Variants in PLEKHG1 observed in about 807,000 individuals in gnomAD.
The protein encoded by PLEKHG1 is pleckstrin homology domain-containing family G member 1.
In PLEKHG1, 44 loss-of-function variants were observed where a neutral mutation model predicts 100.8. That is an observed-to-expected ratio of 0.44 (90% CI 0.34 to 0.56). The LOEUF is 0.56. Ranked by LOEUF, PLEKHG1 falls within the 20% of genes least tolerant of loss-of-function variation. The pLI, the probability that PLEKHG1 is intolerant of heterozygous loss-of-function variation, is 0.01. For missense variants in PLEKHG1, 1,545 were observed against 1,720.9 expected (o/e 0.90, Z 1.81); for synonymous variants, 640 against 662.5 (o/e 0.97, Z 0.52).
intron 2 of PLEKHG1, among the ~76,000 whole-genome samples, chr6:150,754,660 A>T (rs1052746949): frequency 5.5e-4 from 81 of 148,160 alleles, no homozygotes; most frequent in African/African-American, 1.9e-3. Context: ...TGGCATTAGG[A>T]CTTTCTTTCT....
exon 16 of PLEKHG1, chr6:150,843,418 A>T (rs1202289595): frequency 6.6e-6 from 1 of 152,130 alleles, no homozygotes; most frequent in African/African-American, 2.4e-5. Context: ...TGTTTAAAAC[A>T]GTTTGTTTTA....
intron 2 of PLEKHG1, among the ~76,000 whole-genome samples, chr6:150,763,549 T>C (rs1179671098): frequency 6.6e-6 from 1 of 152,166 alleles, no homozygotes; most frequent in Non-Finnish European, 1.5e-5. Flanking sequence ...CCTTTCAACC[T>C]TTCATCTTGG....
At chr6:150,839,681 A>T (rs1272434378) in intron 15 of PLEKHG1, 152 bp from the exon 17 acceptor site, 4 of 592,174 alleles carry the variant, frequency 6.8e-6, no homozygotes, top group Non-Finnish European at 9.0e-6. Context: ...TGTTGCTCAG[A>T]GTTCAAAGAT....
intron 15 of PLEKHG1, among the ~76,000 whole-genome samples, chr6:150,835,559 G>C (rs1299503179): frequency 6.6e-6 from 1 of 152,194 alleles, no homozygotes; most frequent in Non-Finnish European, 1.5e-5. Flanking sequence ...CGATTGTCAT[G>C]TAGTCATAAT....
At chr6:150,654,254 C>T (rs1778872537) in intron 3 of PLEKHG1, among the ~76,000 whole-genome samples, 1 of 152,166 alleles carries the variant, frequency 6.6e-6, no homozygotes, top group African/African-American at 2.4e-5. Context: ...TTTCCTGAGC[C>T]CCTTGCACTG....
At chr6:150,612,502 T>C (rs550837094) in intron 1 of PLEKHG1, among the ~76,000 whole-genome samples, 4 of 152,230 alleles carry the variant, frequency 2.6e-5, no homozygotes, top group African/African-American at 9.6e-5. Context: ...TTGGCTAATT[T>C]TTGTGTTTTT....
chr6:150,602,628 G>T (rs1274330626), intron 1 of PLEKHG1, among the ~76,000 whole-genome samples: 1 of 152,098 alleles, frequency 6.6e-6, no homozygotes, highest in East Asian at 1.9e-4. Context: ...TAAATGAAAT[G>T]ATTCGTATCA....
intron 2 of PLEKHG1, among the ~76,000 whole-genome samples, chr6:150,762,403 T>C (rs1784209367): frequency 1.3e-5 from 2 of 151,922 alleles, no homozygotes; most frequent in South Asian, 4.2e-4. Flanking sequence ...TTCGCCATGT[T>C]GGCCAGGCTG....
intron 3 of PLEKHG1, among the ~76,000 whole-genome samples, chr6:150,656,138 T>C (rs553266281): frequency 5.3e-5 from 8 of 152,116 alleles, no homozygotes; most frequent in South Asian, 2.1e-4. Context: ...AAAACTCTTC[T>C]AGAAATTTGA....
At chr6:150,773,496 T>C (rs1353369147) in intron 3 of PLEKHG1, among the ~76,000 whole-genome samples, 1 of 152,252 alleles carries the variant, frequency 6.6e-6, no homozygotes, top group African/African-American at 2.4e-5. Flanking sequence ...ATGTTGCCAC[T>C]GCACTTCAGC....
intron 3 of PLEKHG1, among the ~76,000 whole-genome samples, chr6:150,770,699 TTAG>T (rs1209902884): frequency 6.6e-6 from 1 of 152,210 alleles, no homozygotes; most frequent in African/African-American, 2.4e-5. Flanking sequence ...TACATGTTCA[TTAG>T]TAATGTGCTG....
intron 3 of PLEKHG1, among the ~76,000 whole-genome samples, chr6:150,702,079 G>A (rs576623778): frequency 1.3e-5 from 2 of 152,300 alleles, no homozygotes; most frequent in South Asian, 2.1e-4. Context: ...CTAGTTGAGC[G>A]ATTATACTTT....
At position 150,627,047 on chromosome 6, in the gene PLEKHG1, T is replaced by C. The variant is rs541298349; in HGVS notation, c.-203-11033T>C. ...GGACTCTGGGGTGTGGCGTGATCTCTTGTAATAGATCAAGGGAAGAAGAAT... is the reference window on the plus strand; with the variant it reads ...GGACTCTGGGGTGTGGCGTGATCTCCTGTAATAGATCAAGGGAAGAAGAAT... On this transcript the variant is annotated intron_variant, in intron 1 of 3. Coordinates refer to the PLEKHG1 transcript ENST00000367326. 5.3e-4 allele frequency among the ~76,000 whole-genome samples: 81 copies of C among 152,266 alleles called. 1 individual carries two copies. Among genetic ancestry groups the C allele is most frequent in the African/African-American group, 1.9e-3 (77 of 41,540 alleles).
chr6:150,765,947 T>C (rs1184983567), intron 2 of PLEKHG1, among the ~76,000 whole-genome samples: 2 of 152,194 alleles, frequency 1.3e-5, no homozygotes, highest in Non-Finnish European at 1.5e-5. Context: ...TCCCATACTT[T>C]GAATAGGACC....
chr6:150,726,963 G>A (rs1233281572), intron 1 of PLEKHG1, among the ~76,000 whole-genome samples: 4 of 152,192 alleles, frequency 2.6e-5, no homozygotes, highest in African/African-American at 7.2e-5. Context: ...TGTTTACAAC[G>A]TTGAGGCTCT....
intron 15 of PLEKHG1, among the ~76,000 whole-genome samples, chr6:150,835,849 G>T (rs1304935290): frequency 6.6e-6 from 1 of 152,116 alleles, no homozygotes; most frequent in Non-Finnish European, 1.5e-5. Context: ...GTATGGCCAG[G>T]CACAGTGACT....
chr6:150,809,891 C>A lies in PLEKHG1; in HGVS notation c.1278+157C>A, dbSNP rs199564110. On this transcript the variant is annotated intron_variant, in intron 10 of 15. Transcript: ENST00000358517. Reference sequence around the variant, plus strand: ...CAAAATAAAAACAAAGAGACTGGGTCAAAAAAAAAAAAAAGAGTTTAGAAT... The same window carrying A: ...CAAAATAAAAACAAAGAGACTGGGTAAAAAAAAAAAAAAAGAGTTTAGAAT... 3.5e-3 allele frequency among the ~76,000 whole-genome samples: 476 copies of A among 135,530 alleles called. No homozygotes were observed. Among genetic ancestry groups the A allele is most frequent in the Middle Eastern group, 4.2e-3 (1 of 238 alleles). 88.9% of individuals were successfully genotyped at this position (135,530 alleles called of 152,430 possible). A position where few individuals can be genotyped will look rare whatever the true frequency, so the allele number is the denominator to read the frequency against.
intron 2 of PLEKHG1, among the ~76,000 whole-genome samples, chr6:150,742,858 T>A (rs1012821309): frequency 6.6e-6 from 1 of 152,144 alleles, no homozygotes; most frequent in Non-Finnish European, 1.5e-5. Flanking sequence ...GGAGCAGCAC[T>A]CCTCCATGCA....
At chr6:150,760,305 G>T (rs1210004005) in intron 2 of PLEKHG1, among the ~76,000 whole-genome samples, 5 of 152,306 alleles carry the variant, frequency 3.3e-5, no homozygotes, top group Admixed American at 2.6e-4. Context: ...AATTGTGTCT[G>T]TCTGCTTCCT....
Sources: gnomAD v4.1 joint callset for allele counts (sites outside exome capture counted in the v4.1 genomes callset) on GRCh38, gnomAD v4.1.1 for gene constraint, MANE v1.5 for transcripts, NCBI Gene and HGNC (gene_info 2026-07-23, HGNC 2026-07-21) for gene names.